Variants in SEMA5B observed in about 807,000 individuals in gnomAD.
SEMA5B encodes the protein semaphorin 5B, also known as semaphorin-5B.
In SEMA5B, 66 loss-of-function variants were observed where a neutral mutation model predicts 135.0. The observed-to-expected ratio is 0.49, with a 90% CI of 0.40 to 0.60. The LOEUF is 0.60. Ranked by LOEUF, SEMA5B falls within the 20% of genes least tolerant of loss-of-function variation. The pLI is 0.00. For synonymous variants in SEMA5B, 690 were observed against 639.5 expected, an observed-to-expected ratio of 1.08 and a Z score of -1.19; for missense variants, 1,501 against 1,566.3, an observed-to-expected ratio of 0.96 and a Z score of 0.70.
intron 12 of SEMA5B, among the ~76,000 whole-genome samples, chr3:122,918,204 C>A (rs1168653271): frequency 6.6e-6 from 1 of 152,168 alleles, no homozygotes; most frequent in East Asian, 1.9e-4. Flanking sequence ...TGGGTAAGAG[C>A]AGAAAACCTG....
chr3:122,937,060 G>T (rs1442073937), intron 5 of SEMA5B, among the ~76,000 whole-genome samples: 1 of 152,234 alleles, frequency 6.6e-6, no homozygotes, highest in Non-Finnish European at 1.5e-5. Flanking sequence ...ATGCCCTGGG[G>T]CCAAGTGGGA....
intron 3 of SEMA5B, among the ~76,000 whole-genome samples, chr3:122,945,876 T>C (rs58805594): frequency 0.03 from 4,513 of 149,182 alleles, 263 homozygotes; most frequent in African/African-American, 0.11. Context: ...CCAGTTTCCG[T>C]CCCTCTCCCA....
intron 1 of SEMA5B, among the ~76,000 whole-genome samples, chr3:122,983,689 G>A (rs1941603336): frequency 8.7e-6 from 1 of 114,666 alleles, no homozygotes; most frequent in South Asian, 3.1e-4. Context: ...CTGCACTCCA[G>A]CCTGGGCGAC....
chr3:122,962,160 A>G (rs1940611469), intron 1 of SEMA5B, among the ~76,000 whole-genome samples: 1 of 152,330 alleles, frequency 6.6e-6, no homozygotes, highest in Middle Eastern at 3.4e-3. Context: ...CACAGGTTCT[A>G]GGGATTAGGA....
chr3:122,974,034 G>T (rs566276961), intron 1 of SEMA5B, among the ~76,000 whole-genome samples: 108 of 152,300 alleles, frequency 7.1e-4, no homozygotes, highest in African/African-American at 2.5e-3. Context: ...TGTACACCCT[G>T]TCAGTGCCCA....
At chr3:122,960,465 C>T (rs1280589835) in intron 2 of SEMA5B, among the ~76,000 whole-genome samples, 5 of 152,230 alleles carry the variant, frequency 3.3e-5, no homozygotes, top group African/African-American at 1.2e-4. Context: ...AGCAATTCCA[C>T]TTCTGGGTAT....
intron 12 of SEMA5B, among the ~76,000 whole-genome samples, chr3:122,918,603 A>G (rs1369657666): frequency 6.6e-6 from 1 of 152,222 alleles, no homozygotes; most frequent in Non-Finnish European, 1.5e-5. Flanking sequence ...TGCTGGCTCC[A>G]GTCTCCTTTC....
At chr3:122,980,414 C>T (rs547668196) in intron 1 of SEMA5B, among the ~76,000 whole-genome samples, 14 of 149,444 alleles carry the variant, frequency 9.4e-5, no homozygotes, top group Non-Finnish European at 1.5e-4. Context: ...GAGCCGAGAT[C>T]GTGCCATTGC....
At chr3:122,972,832 AG>A (rs1941177570) in intron 1 of SEMA5B, among the ~76,000 whole-genome samples, 1 of 152,228 alleles carries the variant, frequency 6.6e-6, no homozygotes, top group Non-Finnish European at 1.5e-5. Context: ...GAGAAGCCAG[AG>A]GCCCTGAGAG....
chr3:122,988,439 C>T lies in SEMA5B; in HGVS notation c.-38-27138G>A, dbSNP rs74636058. ...AAAGTCAAGTCTACAGAACCCCAAC[C>T]ACCTGGATCCCACTGGAGGGGCGGA... On this transcript the variant is annotated intron_variant, in intron 1 of 22. Transcript: ENST00000357599. Among the ~76,000 whole-genome samples the T allele has an allele frequency of 4.3e-4, 65 of 152,348 alleles. 2 individuals are homozygous for T. The East Asian group carries it at 0.013, about 29-fold the overall frequency.
intron 1 of SEMA5B, among the ~76,000 whole-genome samples, chr3:122,964,326 G>A (rs1940725149): frequency 6.6e-6 from 1 of 152,204 alleles, no homozygotes; most frequent in Admixed American, 6.5e-5. Flanking sequence ...AGCCAAGTAT[G>A]TGGGGTGGGG....
At chr3:122,938,420 T>C (rs1432895565) in intron 5 of SEMA5B, among the ~76,000 whole-genome samples, 2 of 151,862 alleles carry the variant, frequency 1.3e-5, no homozygotes, top group African/African-American at 4.8e-5. Flanking sequence ...TCCTTATACC[T>C]CCCCTCTAGC....
chr3:122,941,471 G>T (rs1246906691), intron 4 of SEMA5B, among the ~76,000 whole-genome samples: 1 of 152,218 alleles, frequency 6.6e-6, no homozygotes, highest in Non-Finnish European at 1.5e-5. Context: ...TCCATAAAAT[G>T]GGGGTACATA....
At chr3:123,015,743 T>A (rs1398524612) in intron 1 of SEMA5B, among the ~76,000 whole-genome samples, 1 of 152,208 alleles carries the variant, frequency 6.6e-6, no homozygotes, top group Non-Finnish European at 1.5e-5. Flanking sequence ...CATGGGCACC[T>A]GAGCTCTCTG....
In SEMA5B at chr3:122,977,087, C is replaced by T. The variant is rs76975027; in HGVS notation, c.-38-15786G>A. Among the ~76,000 whole-genome samples the T allele has an allele frequency of 9.9e-3, 1,501 of 152,304 alleles. 21 individuals carry two copies. The highest frequency in any genetic ancestry group is 0.034 in the African/African-American group (1,401 of 41,560). On this transcript the variant is annotated intron_variant, in intron 1 of 22. Coordinates refer to ENST00000357599, the MANE Select transcript of SEMA5B (RefSeq NM_001031702.4). Reference sequence around the variant, plus strand: ...AAGCCCTCCAGATGGTTACACTGTGCAGTCAGGGCCTCTCTGATCCCAGGT... The same window carrying T: ...AAGCCCTCCAGATGGTTACACTGTGTAGTCAGGGCCTCTCTGATCCCAGGT...
intron 2 of SEMA5B, among the ~76,000 whole-genome samples, chr3:122,952,889 G>A (rs1317063257): frequency 6.6e-6 from 1 of 152,122 alleles, no homozygotes; most frequent in Admixed American, 6.5e-5. Flanking sequence ...GAAGGAAATT[G>A]CTCCCTCTGT....
At chr3:122,912,529 G>A (rs187153701) in intron 18 of SEMA5B, among the ~76,000 whole-genome samples, 187 bp from the exon 19 acceptor site, 127 of 152,022 alleles carry the variant, frequency 8.4e-4, no homozygotes, top group African/African-American at 2.9e-3. Context: ...TGAGGGAAAC[G>A]CAGGAAGCAG....
chr3:122,913,486 GCTCCA>G, intron 16 of SEMA5B, 43 bp downstream of exon 16: 3 of 1,583,136 alleles, frequency 1.9e-6, no homozygotes, highest in Non-Finnish European at 2.6e-6. Flanking sequence ...CCTCCCCTCG[GCTCCA>G]GTACCCTACA....
intron 1 of SEMA5B, among the ~76,000 whole-genome samples, chr3:122,966,834 A>T (rs138599847): frequency 0.056 from 8,320 of 149,010 alleles, 456 homozygotes; most frequent in African/African-American, 0.14. Context: ...CTGGAATTAC[A>T]GGCGTGAGCC....
Sources: allele counts gnomAD v4.1 joint callset (sites outside exome capture counted in the v4.1 genomes callset), GRCh38; gene constraint gnomAD v4.1.1; transcripts MANE v1.5; gene names NCBI Gene and HGNC (gene_info 2026-07-23, HGNC 2026-07-21).